The following PEMT variants were observed in gnomAD, a reference collection of about 807,000 sequenced individuals.
The protein encoded by PEMT is phosphatidylethanolamine N-methyltransferase, also known as phospholipid methyltransferase.
Under a neutral mutation model 27.4 loss-of-function variants are expected in PEMT, and 23 were observed. The ratio of observed to expected loss-of-function variants is 0.84; its 90% CI spans 0.60 to 1.19. The LOEUF (loss-of-function observed/expected upper bound fraction) is 1.19. Among genes scored for constraint, PEMT ranks in the 50% most tolerant of loss-of-function variants. PEMT has a pLI of 0.00. For synonymous variants in PEMT, 137 were observed against 139.1 expected (o/e 0.98, Z 0.11); for missense variants, 307 against 310.1 (o/e 0.99, Z 0.07).
At position 17,512,084 on chromosome 17, in the gene PEMT, CGTGCCGGGAGCTGCCAGAGAG is replaced by C. The variant is rs1906452367; in HGVS notation, c.466+404_466+424del. On this transcript the variant is annotated intron_variant, in intron 4 of 6. Coordinates refer to ENST00000255389, the MANE Select transcript of PEMT (RefSeq NM_148172.3). This position sits in a 1 kb window ranked among gnomAD's most constrained non-coding sequence, Gnocchi z 6.3. ...AATCCTGCCTGGCCTGAGAGCCACG[CGTGCCGGGAGCTGCCAGAGAG>C]GTGGCTGACTCACCACCACCTCAGG... Among the ~76,000 whole-genome samples the C allele has an allele frequency of 6.6e-6, 1 of 152,186 alleles. No individual in the cohort carries two copies.
At chr17:17,577,702 G>A (rs1911707260) in intron 1 of PEMT, among the ~76,000 whole-genome samples, 2 of 151,370 alleles carry the variant, frequency 1.3e-5, no homozygotes, top group Admixed American at 1.3e-4. Context: ...CATTCCTACA[G>A]CAGCTAAACT....
intron 2 of PEMT, among the ~76,000 whole-genome samples, chr17:17,548,062 G>A (rs776731807): frequency 2.0e-5 from 3 of 152,210 alleles, no homozygotes; most frequent in Non-Finnish European, 2.9e-5. Context: ...TGTTCTATCC[G>A]AACCTCCCCC....
intron 1 of PEMT, among the ~76,000 whole-genome samples, chr17:17,578,016 CAAAA>C (rs1332805592): frequency 1.6e-5 from 1 of 60,618 alleles, no homozygotes. Flanking sequence ...GACTCCGTCT[CAAAA>C]AAAAAAAAAA....
At chr17:17,566,140 T>TGG (rs1910811081) in intron 2 of PEMT, among the ~76,000 whole-genome samples, 1 of 152,134 alleles carries the variant, frequency 6.6e-6, no homozygotes, top group African/African-American at 2.4e-5. Flanking sequence ...TCATTCAGCC[T>TGG]CCAAAGAAGA....
intron 2 of PEMT, among the ~76,000 whole-genome samples, chr17:17,547,732 A>G (rs1909360834): frequency 1.3e-5 from 2 of 152,156 alleles, no homozygotes; most frequent in South Asian, 4.2e-4. Context: ...TACCCTGTGC[A>G]TCTCCTTCCT....
chr17:17,578,064 C>T (rs556767959), intron 1 of PEMT, among the ~76,000 whole-genome samples: 11 of 150,346 alleles, frequency 7.3e-5, no homozygotes, highest in African/African-American at 2.2e-4. Flanking sequence ...CACTGTGAAA[C>T]GTTCTGAAAC....
intron 1 of PEMT, among the ~76,000 whole-genome samples, chr17:17,589,929 G>A (rs1912506845): frequency 6.6e-6 from 1 of 152,222 alleles, no homozygotes; most frequent in Non-Finnish European, 1.5e-5. Flanking sequence ...AAAGGAGAAA[G>A]AGCAGAGAAG....
intron 1 of PEMT, among the ~76,000 whole-genome samples, chr17:17,590,471 G>C (rs1400967404): frequency 6.6e-6 from 1 of 152,176 alleles, no homozygotes; most frequent in Non-Finnish European, 1.5e-5. Context: ...CTTCCCATCA[G>C]CTACTCTTCA....
At chr17:17,590,638 T>C (rs1441008949) in intron 1 of PEMT, among the ~76,000 whole-genome samples, 3 of 152,166 alleles carry the variant, frequency 2.0e-5, no homozygotes, top group Non-Finnish European at 2.9e-5. Context: ...GCTGGATCAG[T>C]GAGTGAATAA....
chr17:17,540,891 T>A (rs1908833145), intron 2 of PEMT, among the ~76,000 whole-genome samples: 1 of 152,216 alleles, frequency 6.6e-6, no homozygotes, highest in Non-Finnish European at 1.5e-5. Context: ...TCAGTAAATG[T>A]TCGCTGATTA....
At chr17:17,511,770 T>G (rs994764597) in intron 4 of PEMT, among the ~76,000 whole-genome samples, 1 of 151,988 alleles carries the variant, frequency 6.6e-6, no homozygotes, top group Non-Finnish European at 1.5e-5. Context: ...TCCTTCCAGG[T>G]TCCGAAGGCC....
At chr17:17,581,132 T>C (rs975527638) in intron 1 of PEMT, among the ~76,000 whole-genome samples, 1 of 152,142 alleles carries the variant, frequency 6.6e-6, no homozygotes, top group African/African-American at 2.4e-5. Context: ...ACTCTACAGC[T>C]AAGAGAGGTG....
In PEMT at chr17:17,505,865, AGAG is replaced by A. The variant is rs1905786074; in HGVS notation, c.654-20_654-18del. 6.2e-7 allele frequency: 1 copy of A among 1,605,284 alleles called. No individual in the cohort carries two copies. The highest frequency in any genetic ancestry group is 2.2e-5 in the East Asian group (1 of 44,580). ...GTGAAGGGCCTGCCGGGCAGCGGGG[AGAG>A]GCTTCGGTCAGCAGGTCCTGGGGGT... On this transcript the variant is annotated intron_variant, in intron 6 of 6. Coordinates refer to ENST00000255389, the MANE Select transcript of PEMT (RefSeq NM_148172.3).
intron 3 of PEMT, among the ~76,000 whole-genome samples, chr17:17,521,555 G>A (rs547153074): frequency 9.2e-5 from 14 of 151,590 alleles, no homozygotes; most frequent in African/African-American, 3.4e-4. Flanking sequence ...GGGCAAAGAA[G>A]CTTTCTTTTA....
chr17:17,545,733 G>T (rs1276298653), intron 2 of PEMT, among the ~76,000 whole-genome samples: 1 of 152,172 alleles, frequency 6.6e-6, no homozygotes, highest in African/African-American at 2.4e-5. Context: ...TGCTGAGGTA[G>T]GAAATGTCCT....
chr17:17,516,225 C>A (rs1323077665), intron 3 of PEMT, among the ~76,000 whole-genome samples: 1 of 152,184 alleles, frequency 6.6e-6, no homozygotes, highest in South Asian at 2.1e-4. Flanking sequence ...CTACACGACG[C>A]TAGCCATGAA....
intron 2 of PEMT, among the ~76,000 whole-genome samples, chr17:17,538,428 G>C (rs191777950): frequency 1.4e-4 from 22 of 152,304 alleles, no homozygotes; most frequent in Non-Finnish European, 2.2e-4. Context: ...GGTGGCACAT[G>C]CCTGTAGTCC....
chr17:17,506,656 C>CA (rs1905880786), intron 5 of PEMT, among the ~76,000 whole-genome samples: 1 of 152,212 alleles, frequency 6.6e-6, no homozygotes, highest in Non-Finnish European at 1.5e-5. Context: ...TGTTCATTCC[C>CA]GCACAGGAGG....
chr17:17,519,701 G>A (rs1907123211), intron 3 of PEMT, among the ~76,000 whole-genome samples: 1 of 152,216 alleles, frequency 6.6e-6, no homozygotes, highest in African/African-American at 2.4e-5. Context: ...CCAGGGTCAG[G>A]CAGATCACAG....
Sources: gnomAD v4.1 joint callset for allele counts (sites outside exome capture counted in the v4.1 genomes callset) on GRCh38, gnomAD v4.1.1 for gene constraint, Gnocchi (gnomAD v3.1) non-coding constraint, MANE v1.5 for transcripts, NCBI Gene and HGNC (gene_info 2026-07-23, HGNC 2026-07-21) for gene names.